CACNA1E: variants seen among roughly 807,000 people sequenced by gnomAD.
The protein encoded by CACNA1E is calcium voltage-gated channel subunit alpha1 E.
CACNA1E carries 40 observed loss-of-function variants against 259.2 expected under a neutral mutation model. That is an observed-to-expected ratio of 0.15 (90% confidence interval 0.12 to 0.20). The LOEUF is 0.20. CACNA1E is among the 10% of genes least tolerant of loss of function. CACNA1E has a pLI of 1.00. For missense variants in CACNA1E, 1,874 were observed against 3,040.1 expected (o/e 0.62, Z 9.02); for synonymous variants, 1,104 against 1,138.5 (o/e 0.97, Z 0.61).
intron 1 of CACNA1E, among the ~76,000 whole-genome samples, chr1:181,393,649 A>G (rs986497405): frequency 5.3e-5 from 8 of 152,002 alleles, no homozygotes; most frequent in African/African-American, 1.9e-4. Context: ...GTAGAGACAG[A>G]GTTTTGCAAT....
chr1:181,433,797 T>C (rs1384721653), intron 2 of CACNA1E, among the ~76,000 whole-genome samples: 1 of 152,232 alleles, frequency 6.6e-6, no homozygotes, highest in Non-Finnish European at 1.5e-5. Flanking sequence ...TTTGAAAACA[T>C]CATTTGTAAT....
intron 2 of CACNA1E, among the ~76,000 whole-genome samples, chr1:181,443,340 C>T (rs141442103): frequency 2.0e-5 from 3 of 152,328 alleles, no homozygotes; most frequent in Non-Finnish European, 2.9e-5. Context: ...ATGTTTGACA[C>T]GAACTCCATA....
intron 6 of CACNA1E, among the ~76,000 whole-genome samples, chr1:181,637,432 T>TTCCCTCCC (rs71121096): frequency 7.8e-6 from 1 of 127,674 alleles, no homozygotes; most frequent in African/African-American, 2.9e-5. Flanking sequence ...CCTTCCCTCC[T>TTCCCTCCC]TCCCTCCCTC....
chr1:181,668,297 A>G (rs991867144), intron 7 of CACNA1E, among the ~76,000 whole-genome samples: 1 of 152,212 alleles, frequency 6.6e-6, no homozygotes, highest in African/African-American at 2.4e-5. Flanking sequence ...CTTGAAGTCT[A>G]TCCAGGTTTT....
intron 43 of CACNA1E, among the ~76,000 whole-genome samples, chr1:181,786,453 A>G (rs1016769055): frequency 6.6e-6 from 1 of 152,240 alleles, no homozygotes; most frequent in Non-Finnish European, 1.5e-5. Context: ...TTCTGACCCC[A>G]GAGTGTTTTC....
intron 7 of CACNA1E, among the ~76,000 whole-genome samples, chr1:181,700,125 G>A (rs1404839640): frequency 6.6e-6 from 1 of 152,156 alleles, no homozygotes; most frequent in Non-Finnish European, 1.5e-5. Flanking sequence ...GCACTCCAAT[G>A]TCTAGAGGAG....
rs1662179792 is a variant in CACNA1E, at chr1:181,800,334, C to A, written c.*1500C>A. ...GGGCCAAGATGGGGCTTCACCCCTCCCCAGAGTAAGAGCTGGGGCTGACAG... is the reference window on the plus strand; with the variant it reads ...GGGCCAAGATGGGGCTTCACCCCTCACCAGAGTAAGAGCTGGGGCTGACAG... On this transcript the variant is annotated 3_prime_UTR_variant, in exon 48 of 48. Transcript: ENST00000367573. 1 of 152,608 alleles carries A rather than the reference C, an allele frequency of 6.6e-6. No homozygotes were observed. Among genetic ancestry groups the A allele is most frequent in the African/African-American group, 2.4e-5 (1 of 41,436 alleles). The allele number at this position is 152,608 out of a possible 1,614,324, so 9.5% of individuals were successfully genotyped here.
intron 1 of CACNA1E, among the ~76,000 whole-genome samples, chr1:181,351,894 T>G (rs1421738867): frequency 6.6e-6 from 1 of 152,218 alleles, no homozygotes; most frequent in Non-Finnish European, 1.5e-5. Context: ...ATTTATGGAT[T>G]CTGGAGACTG....
At chr1:181,543,168 C>G (rs1668727133) in intron 3 of CACNA1E, among the ~76,000 whole-genome samples, 1 of 152,028 alleles carries the variant, frequency 6.6e-6, no homozygotes, top group Admixed American at 6.6e-5. Context: ...TGTTGGGCCC[C>G]ACTCCCTGTG....
intron 1 of CACNA1E, among the ~76,000 whole-genome samples, chr1:181,500,456 C>A (rs954965341): frequency 1.3e-5 from 2 of 152,190 alleles, no homozygotes; most frequent in Non-Finnish European, 2.9e-5. Context: ...TTTGCAAATG[C>A]TACACATTGG....
intron 1 of CACNA1E, among the ~76,000 whole-genome samples, chr1:181,405,831 CT>C (rs754855201): frequency 6.6e-6 from 1 of 152,196 alleles, no homozygotes; most frequent in Non-Finnish European, 1.5e-5. Context: ...CTTTCAAGTG[CT>C]TAGTCTTTTT....
At chr1:181,640,131 G>A (rs777077907) in intron 6 of CACNA1E, among the ~76,000 whole-genome samples, 8 of 152,174 alleles carry the variant, frequency 5.3e-5, no homozygotes, top group Non-Finnish European at 8.8e-5. Context: ...TACAAATGGA[G>A]CTGACCAGCC....
chr1:181,684,500 T>G (rs1650311133), intron 7 of CACNA1E, among the ~76,000 whole-genome samples: 1 of 152,188 alleles, frequency 6.6e-6, no homozygotes, highest in African/African-American at 2.4e-5. Context: ...TACTTGTCAA[T>G]TTTTGTTTTT....
At chr1:181,412,074 A>G (rs1266283020) in intron 1 of CACNA1E, among the ~76,000 whole-genome samples, 4 of 152,262 alleles carry the variant, frequency 2.6e-5, no homozygotes, top group Non-Finnish European at 4.4e-5. Context: ...TGCCTTGCAC[A>G]TGGTAAGTTC....
chr1:181,776,343 A>C lies in CACNA1E; in HGVS notation c.5267+115A>C. 9.2e-7 allele frequency: 1 copy of C among 1,087,866 alleles called. No homozygotes were observed. The highest frequency in any genetic ancestry group is 1.4e-6 in the Non-Finnish European group (1 of 717,366). 67.4% of individuals were successfully genotyped at this position (1,087,866 alleles called of 1,614,324 possible). On this transcript the variant is annotated intron_variant, in intron 38 of 47. Coordinates refer to ENST00000367573, the MANE Select transcript of CACNA1E (RefSeq NM_001205293.3). The surrounding 1 kb of genome is among the most constrained non-coding windows in gnomAD (Gnocchi z 4.4). The stretch of plus-strand genomic sequence containing the variant: ...TGCCTGCCTGTTACAGAAGGAAAGG[A>C]GATTCCTCTTGATTGTGGCCCATAG...
At chr1:181,632,342 GGGAGCT>G (rs753202321) in intron 6 of CACNA1E, among the ~76,000 whole-genome samples, 26 of 152,142 alleles carry the variant, frequency 1.7e-4, no homozygotes, top group Non-Finnish European at 3.4e-4. Context: ...TTGGGAGTAA[GGGAGCT>G]GGCTTTTATT....
chr1:181,376,296 G>A (rs557647358), intron 1 of CACNA1E, among the ~76,000 whole-genome samples: 1 of 152,280 alleles, frequency 6.6e-6, no homozygotes, highest in Admixed American at 6.5e-5. Context: ...AATAAACTCT[G>A]ACCAGAATTA....
chr1:181,597,351 C>T (rs1653286246), intron 6 of CACNA1E, among the ~76,000 whole-genome samples: 1 of 152,178 alleles, frequency 6.6e-6, no homozygotes, highest in South Asian at 2.1e-4. Flanking sequence ...TTCAGTCTGC[C>T]CCTTCCTCTT....
intron 6 of CACNA1E, among the ~76,000 whole-genome samples, chr1:181,607,702 G>A (rs560538984): frequency 6.6e-6 from 1 of 152,326 alleles, no homozygotes; most frequent in South Asian, 2.1e-4. Context: ...AAACTACAAA[G>A]CTCCATGAGA....
Sources: gnomAD v4.1 joint callset for allele counts (sites outside exome capture counted in the v4.1 genomes callset) on GRCh38, gnomAD v4.1.1 for gene constraint, Gnocchi (gnomAD v3.1) non-coding constraint, MANE v1.5 for transcripts, NCBI Gene and HGNC (gene_info 2026-07-23, HGNC 2026-07-21) for gene names.